TNPO1: variants seen among roughly 807,000 people sequenced by gnomAD.
TNPO1 encodes transportin 1.
A neutral mutation model predicts 119.5 loss-of-function variants in TNPO1; 8 were observed. The ratio of observed to expected loss-of-function variants is 0.07; its 90% CI spans 0.04 to 0.12. The LOEUF (loss-of-function observed/expected upper bound fraction) is 0.12, where lower values mean the gene tolerates loss of function less well. TNPO1 is among the 10% of genes least tolerant of loss of function. The probability of loss-of-function intolerance (pLI) is 1.00; values close to 1 mark genes in which losing one functional copy is unlikely to be tolerated. For synonymous variants in TNPO1, 362 were observed against 363.0 expected (o/e 1.00, Z 0.03); for missense variants, 576 against 1,089.8 (o/e 0.53, Z 6.64).
intron 1 of TNPO1, among the ~76,000 whole-genome samples, chr5:72,838,919 A>C (rs1307483857): frequency 6.6e-6 from 1 of 152,166 alleles, no homozygotes; most frequent in Non-Finnish European, 1.5e-5. Context: ...TGAAAATTAA[A>C]TGAGGTAAAA....
chr5:72,854,921 CTT>C (rs1745865176), intron 3 of TNPO1, among the ~76,000 whole-genome samples: 1 of 151,952 alleles, frequency 6.6e-6, no homozygotes, highest in African/African-American at 2.4e-5. Flanking sequence ...ACATGAAGGT[CTT>C]ATATATTCTT....
At chr5:72,866,034 GTTTT>G (rs902906366) in intron 6 of TNPO1, among the ~76,000 whole-genome samples, 5 of 148,280 alleles carry the variant, frequency 3.4e-5, no homozygotes, top group Admixed American at 3.3e-4. Flanking sequence ...TTAGTTGTGG[GTTTT>G]TTGTTTTTGT....
intron 6 of TNPO1, among the ~76,000 whole-genome samples, chr5:72,868,300 C>T (rs887272120): frequency 5.9e-5 from 9 of 151,720 alleles, no homozygotes; most frequent in Admixed American, 3.3e-4. Context: ...GGCATGGTGG[C>T]GGGCACCTGT....
At chr5:72,893,109 A>T (rs1283109634) in intron 15 of TNPO1, 30 bp from the exon 16 acceptor site, 1 of 1,545,692 alleles carries the variant, frequency 6.5e-7, no homozygotes, top group Admixed American at 1.8e-5. Flanking sequence ...ATACCCAGAA[A>T]GTTTAGCATG....
At position 72,875,728 on chromosome 5, in the gene TNPO1, T is replaced by C; in HGVS notation, c.792T>C (p.Asn264=). 2 of 1,606,274 alleles carry C rather than the reference T, an allele frequency of 1.2e-6. No homozygotes were observed. Among genetic ancestry groups the C allele is most frequent in the South Asian group, 1.1e-5 (1 of 90,444 alleles). ...RMDRLLPHMH[N]IVEYMLQRTQ... is the part of the protein sequence containing the mutation. Reference sequence around the variant, plus strand: ...ATCGCCTGCTTCCTCACATGCATAATATAGTTGAGGTAACACTGGCAATTT... The same window carrying C: ...ATCGCCTGCTTCCTCACATGCATAACATAGTTGAGGTAACACTGGCAATTT... Residue 264 remains asparagine (N), a synonymous_variant, in exon 8 of 25, where the codon AAT becomes AAC. Transcript: ENST00000337273.
Position 72,888,129 on chromosome 5 carries a change from T to C in TNPO1, c.1355T>C (p.Ile452Thr). The change falls in exon 13 of 25, where the codon ATT becomes ACT. Residue 452 changes from isoleucine (I) to threonine (T), a missense_variant. Around this residue, in one of 6 missense-constraint regions of TNPO1, gnomAD observed 310 missense variants for 583.0 expected, o/e 0.53. Coordinates refer to ENST00000337273, the MANE Select transcript of TNPO1 (RefSeq NM_002270.4). Reference protein sequence around the residue: ...PYLPELIPHLIQCLSDKKALV... With the variant: ...PYLPELIPHLTQCLSDKKALV... Reference sequence around the variant, plus strand: ...TTGCCTGAGCTTATTCCTCACCTTATTCAGTGCCTCTCTGATAAAAAGGCT... The same window carrying C: ...TTGCCTGAGCTTATTCCTCACCTTACTCAGTGCCTCTCTGATAAAAAGGCT... 1.2e-6 allele frequency: 2 copies of C among 1,614,206 alleles called. No homozygotes were observed. The highest frequency in any genetic ancestry group is 1.7e-5 in the Admixed American group (1 of 60,030).
chr5:72,892,168 G>A (rs1318572128), intron 15 of TNPO1, among the ~76,000 whole-genome samples: 5 of 151,610 alleles, frequency 3.3e-5, no homozygotes, highest in African/African-American at 4.9e-5. Context: ...TATATATACC[G>A]GGATATATAT....
At chr5:72,895,603 C>G (rs1420442528) in intron 18 of TNPO1, among the ~76,000 whole-genome samples, 2 of 152,004 alleles carry the variant, frequency 1.3e-5, no homozygotes, top group African/African-American at 2.4e-5. Flanking sequence ...TTGCTGAGAT[C>G]AAGAAACCCT....
chr5:72,875,543 C>A, intron 7 of TNPO1, 72 bp from the exon 8 acceptor site: 2 of 1,518,522 alleles, frequency 1.3e-6, no homozygotes, highest in Non-Finnish European at 9.0e-7. Flanking sequence ...TAAATGTCAC[C>A]AACTTGCAGA....
rs1338778595 is a variant in TNPO1 at position 72,909,376 on chromosome 5, G to A, written c.*703G>A. On this transcript the variant is annotated 3_prime_UTR_variant, in exon 25 of 25. Coordinates refer to ENST00000337273, the MANE Select transcript of TNPO1 (RefSeq NM_002270.4). Reference sequence around the variant, plus strand: ...TGAGTCACTCCTTTTACCTTTTTTGGGGTGGGCAGGGAGGGAGGAATAAAT... The same window carrying A: ...TGAGTCACTCCTTTTACCTTTTTTGAGGTGGGCAGGGAGGGAGGAATAAAT... 3 of 152,036 alleles carry A rather than the reference G, an allele frequency of 2.0e-5. No individual in the cohort carries two copies. Among genetic ancestry groups the A allele is most frequent in the Admixed American group, 2.0e-4 (3 of 15,262 alleles). The allele number at this position is 152,036 out of a possible 1,614,324, so 9.4% of individuals were successfully genotyped here.
At chr5:72,886,959 C>T in intron 11 of TNPO1, 111 bp from the exon 12 acceptor site, 6 of 768,114 alleles carry the variant, frequency 7.8e-6, no homozygotes, top group Non-Finnish European at 5.3e-6. Flanking sequence ...CAATTGAATT[C>T]TTATTTTAAA....
chr5:72,873,455 A>G (rs1463767189), intron 7 of TNPO1, among the ~76,000 whole-genome samples: 2 of 152,082 alleles, frequency 1.3e-5, no homozygotes, highest in African/African-American at 4.8e-5. Context: ...TCGTCACTTA[A>G]ATTGACCAGC....
At chr5:72,901,141 A>C in intron 22 of TNPO1, 68 bp downstream of exon 22, 1 of 950,798 alleles carries the variant, frequency 1.1e-6, no homozygotes, top group Non-Finnish European at 1.5e-6. Context: ...AAACATTCTA[A>C]TACTTTAATT....
chr5:72,904,851 G>A (rs1422622143), intron 23 of TNPO1, among the ~76,000 whole-genome samples: 1 of 152,068 alleles, frequency 6.6e-6, no homozygotes, highest in Admixed American at 6.6e-5. Flanking sequence ...AAAAGAAAGA[G>A]GTTTAATTCG....
At chr5:72,893,818 C>CACTT in intron 18 of TNPO1, 115 bp downstream of exon 18, 4 of 983,080 alleles carry the variant, frequency 4.1e-6, no homozygotes, top group Non-Finnish European at 4.6e-6. Context: ...TATAAATGTA[C>CACTT]ACTTTATTGG....
intron 4 of TNPO1, among the ~76,000 whole-genome samples, chr5:72,861,463 A>G (rs1274026271): frequency 6.6e-6 from 1 of 152,096 alleles, no homozygotes; most frequent in South Asian, 2.1e-4. Flanking sequence ...GTGTGGTCTC[A>G]TAGTCATGGC....
intron 6 of TNPO1, among the ~76,000 whole-genome samples, chr5:72,868,629 G>A (rs1270099900): frequency 6.6e-6 from 1 of 152,026 alleles, no homozygotes; most frequent in Non-Finnish European, 1.5e-5. Context: ...GTGCATAGGT[G>A]TATTAATGGG....
chr5:72,875,622 T>C lies in TNPO1; in HGVS notation c.686T>C (p.Phe229Ser). ...LHIDSFIENL[F>S]ALAGDEEPEV... Reference sequence around the variant, plus strand: ...TTATTTCTTGTGCAACAGAATCTCTTTGCATTAGCTGGTGATGAAGAACCA... The same window carrying C: ...TTATTTCTTGTGCAACAGAATCTCTCTGCATTAGCTGGTGATGAAGAACCA... The change falls in exon 8 of 25, where the codon TTT becomes TCT. Residue 229 changes from phenylalanine (F) to serine (S), a missense_variant. By Grantham distance (155) the Phe-to-Ser change is radical (BLOSUM62 -2). Transcript: ENST00000337273. The C allele has an allele frequency of 1.2e-6, 2 of 1,611,880 alleles. No homozygotes were observed. The highest frequency in any genetic ancestry group is 1.7e-6 in the Non-Finnish European group (2 of 1,178,242).
At chr5:72,896,677 C>G (rs1749450842) in intron 19 of TNPO1, 121 bp downstream of exon 19, 1 of 652,348 alleles carries the variant, frequency 1.5e-6, no homozygotes, top group South Asian at 2.1e-5. Flanking sequence ...TGAGACCAGC[C>G]TGGTTGACAT....
Sources: allele counts gnomAD v4.1 joint callset (sites outside exome capture counted in the v4.1 genomes callset), GRCh38; gene constraint gnomAD v4.1.1; regional missense constraint gnomAD v4.1.1; transcripts MANE v1.5; gene names NCBI Gene and HGNC (gene_info 2026-07-23, HGNC 2026-07-21).